DIS3L2: variants seen among roughly 807,000 people sequenced by gnomAD.
The protein encoded by DIS3L2 is DIS3-like exonuclease 2.
A neutral mutation model predicts 97.5 loss-of-function variants in DIS3L2; 34 were observed. The ratio of observed to expected loss-of-function variants is 0.35; its 90% CI spans 0.27 to 0.46. The LOEUF is 0.46. DIS3L2 is among the 20% of genes least tolerant of loss of function. The pLI is 1.00. For missense variants in DIS3L2, 1,038 were observed against 1,146.0 expected (o/e 0.91, Z 1.36); for synonymous variants, 435 against 445.2 (o/e 0.98, Z 0.29).
intron 1 of DIS3L2, among the ~76,000 whole-genome samples, chr2:232,013,486 C>G (rs571660858): frequency 1.3e-5 from 2 of 152,280 alleles, no homozygotes; most frequent in South Asian, 4.1e-4. Context: ...CTGTTTGCGC[C>G]TCTATTTTTA....
At chr2:232,196,334 A>G (rs954936128) in intron 9 of DIS3L2, among the ~76,000 whole-genome samples, 1 of 152,240 alleles carries the variant, frequency 6.6e-6, no homozygotes, top group Admixed American at 6.5e-5. Flanking sequence ...AATTGTTTGT[A>G]TGGATCTTGT....
chr2:232,213,356 T>G (rs1276965206), intron 10 of DIS3L2, among the ~76,000 whole-genome samples: 3 of 152,208 alleles, frequency 2.0e-5, no homozygotes, highest in African/African-American at 7.2e-5. Context: ...AGGAGCAGTT[T>G]GGCAGAGCAG....
At chr2:232,145,852 A>G (rs1162115043) in intron 8 of DIS3L2, among the ~76,000 whole-genome samples, 1 of 152,228 alleles carries the variant, frequency 6.6e-6, no homozygotes, top group Admixed American at 6.5e-5. Flanking sequence ...AAAGGCATAC[A>G]AGTCTCAGTG....
chr2:232,279,773 T>A (rs1694236373), intron 13 of DIS3L2, among the ~76,000 whole-genome samples: 1 of 151,782 alleles, frequency 6.6e-6, no homozygotes, highest in African/African-American at 2.4e-5. Flanking sequence ...TCGTGATCTG[T>A]CCACCTCGGC....
chr2:232,264,728 T>C (rs1249475149), intron 13 of DIS3L2, among the ~76,000 whole-genome samples: 20 of 152,222 alleles, frequency 1.3e-4, no homozygotes, highest in Admixed American at 1.3e-3. Context: ...TGATTGAAGT[T>C]CTGATTTTAT....
intron 8 of DIS3L2, among the ~76,000 whole-genome samples, chr2:232,162,300 T>G (rs1408830720): frequency 6.6e-6 from 1 of 152,164 alleles, no homozygotes; most frequent in Non-Finnish European, 1.5e-5. Context: ...GCTGCCGAGA[T>G]CATAGGCTGG....
At chr2:232,316,550 G>T (rs548346219) in intron 14 of DIS3L2, among the ~76,000 whole-genome samples, 1 of 152,240 alleles carries the variant, frequency 6.6e-6, no homozygotes, top group African/African-American at 2.4e-5. Flanking sequence ...TGAGGAAGCC[G>T]AGGCAAGCTG....
downstream of DIS3L2, among the ~76,000 whole-genome samples, chr2:232,339,483 G>A (rs574250566): frequency 6.6e-5 from 10 of 152,348 alleles, no homozygotes; most frequent in South Asian, 1.4e-3. Flanking sequence ...GACAGGCTGC[G>A]AAAGTCACGG....
intron 13 of DIS3L2, among the ~76,000 whole-genome samples, chr2:232,280,210 G>A (rs1369144862): frequency 1.3e-5 from 2 of 152,172 alleles, no homozygotes; most frequent in Non-Finnish European, 2.9e-5. Flanking sequence ...ATTTGGGATG[G>A]AGTTGGTCCT....
intron 5 of DIS3L2, among the ~76,000 whole-genome samples, chr2:232,072,546 C>A (rs747341593): frequency 2.4e-4 from 37 of 152,108 alleles, no homozygotes; most frequent in Admixed American, 1.0e-3. Flanking sequence ...GATTCTGTTT[C>A]TGGCTCTGAT....
intron 13 of DIS3L2, among the ~76,000 whole-genome samples, chr2:232,297,339 C>A (rs186965541): frequency 4.2e-4 from 64 of 152,308 alleles, no homozygotes; most frequent in Middle Eastern, 6.8e-3. Context: ...TGTGCCAGCC[C>A]AGTGGCTAAG....
At chr2:232,231,664 G>C (rs1270452342) in intron 10 of DIS3L2, among the ~76,000 whole-genome samples, 2 of 152,270 alleles carry the variant, frequency 1.3e-5, no homozygotes, top group Non-Finnish European at 2.9e-5. Flanking sequence ...CTCTCTTGCA[G>C]ACCTGGTATG....
At chr2:232,343,259 A>T in intron 13 of DIS3L2, 1 of 1,157,986 alleles carries the variant, frequency 8.6e-7, no homozygotes, top group South Asian at 1.5e-5. Context: ...ACGCAGGCTG[A>T]GTAGGCTCAC....
At chr2:232,234,101 C>T (rs1692869911) in intron 10 of DIS3L2, among the ~76,000 whole-genome samples, 1 of 152,094 alleles carries the variant, frequency 6.6e-6, no homozygotes, top group African/African-American at 2.4e-5. Context: ...TCTGGAGTTG[C>T]AGTGACAGTT....
chr2:232,336,324 A>T (rs1018717942), intron 20 of DIS3L2, 145 bp from the exon 21 acceptor site: 1 of 1,546,308 alleles, frequency 6.5e-7, no homozygotes, highest in Non-Finnish European at 8.7e-7. Context: ...TTCTTCCTGG[A>T]GGGGGCCCCC....
downstream of DIS3L2, chr2:232,341,000 G>T: frequency 2.2e-6 from 1 of 461,726 alleles, no homozygotes; most frequent in Non-Finnish European, 4.5e-6. Flanking sequence ...ATCGTGAAAC[G>T]AGAGGAGGTT....
intron 17 of DIS3L2, 93 bp downstream of exon 17, chr2:232,334,080 C>G (rs1387222881): frequency 2.7e-6 from 4 of 1,501,720 alleles, no homozygotes; most frequent in Non-Finnish European, 3.5e-6. Context: ...ACCATTCTGC[C>G]GTGACAGCGG....
intron 10 of DIS3L2, among the ~76,000 whole-genome samples, chr2:232,238,106 A>G (rs1007357106): frequency 3.9e-5 from 6 of 152,120 alleles, no homozygotes; most frequent in Non-Finnish European, 8.8e-5. Flanking sequence ...TGTGGGCTAA[A>G]TAGGGCAATG....
At chr2:231,967,564 T>G (rs1239569350) in intron 1 of DIS3L2, among the ~76,000 whole-genome samples, 1 of 152,244 alleles carries the variant, frequency 6.6e-6, no homozygotes, top group African/African-American at 2.4e-5. Flanking sequence ...GCTATTATTA[T>G]TTTTGTTTAA....
Sources: allele counts gnomAD v4.1 joint callset (sites outside exome capture counted in the v4.1 genomes callset), GRCh38; gene constraint gnomAD v4.1.1; transcripts MANE v1.5; gene names NCBI Gene and HGNC (gene_info 2026-07-23, HGNC 2026-07-21).